ASIC2: variants seen among roughly 807,000 people sequenced by gnomAD.
ASIC2 encodes acid sensing ion channel subunit 2, also known as acid-sensing ion channel 2.
In ASIC2, 25 loss-of-function variants were observed where a neutral mutation model predicts 57.3. That is an observed-to-expected ratio of 0.44 (90% CI 0.32 to 0.61). ASIC2 has a LOEUF of 0.61. ASIC2 is among the 20% of genes least tolerant of loss of function. ASIC2 has a pLI of 0.06. For synonymous variants in ASIC2, 319 were observed against 307.5 expected, an observed-to-expected ratio of 1.04 and a Z score of -0.39; for missense variants, 641 against 738.1, an observed-to-expected ratio of 0.87 and a Z score of 1.52.
At chr17:33,406,464 T>C (rs559449074) in intron 1 of ASIC2, among the ~76,000 whole-genome samples, 61 of 152,338 alleles carry the variant, frequency 4.0e-4, no homozygotes, top group African/African-American at 1.4e-3. Context: ...TCTTTTGTTC[T>C]GTCAAACGCA....
At chr17:33,843,001 T>C (rs1913485012) in intron 1 of ASIC2, among the ~76,000 whole-genome samples, 1 of 152,232 alleles carries the variant, frequency 6.6e-6, no homozygotes, top group Non-Finnish European at 1.5e-5. Flanking sequence ...TTTGGCTGCC[T>C]TGAAGGCAGT....
At chr17:33,102,920 G>A (rs535627496) in intron 2 of ASIC2, among the ~76,000 whole-genome samples, 45 of 151,970 alleles carry the variant, frequency 3.0e-4, no homozygotes, top group East Asian at 1.9e-3. Flanking sequence ...AGTAGCTGGG[G>A]CTACAGGCGC....
At chr17:33,966,740 T>C (rs1377006751) in intron 1 of ASIC2, among the ~76,000 whole-genome samples, 1 of 152,230 alleles carries the variant, frequency 6.6e-6, no homozygotes, top group Non-Finnish European at 1.5e-5. Flanking sequence ...TTTGACTCCT[T>C]CTGTTCTCAG....
chr17:33,761,386 T>G (rs949016424), intron 1 of ASIC2, among the ~76,000 whole-genome samples: 2 of 152,188 alleles, frequency 1.3e-5, no homozygotes, highest in African/African-American at 4.8e-5. Context: ...CTGTAGGGAA[T>G]CCGGGGGCCC....
intron 2 of ASIC2, among the ~76,000 whole-genome samples, chr17:33,106,470 G>A (rs1207057329): frequency 6.6e-6 from 1 of 152,114 alleles, no homozygotes; most frequent in Non-Finnish European, 1.5e-5. Flanking sequence ...TCTGACACTC[G>A]AACCCTTTTA....
chr17:33,330,770 A>G (rs1407808285), intron 1 of ASIC2, among the ~76,000 whole-genome samples: 1 of 152,100 alleles, frequency 6.6e-6, no homozygotes, highest in Non-Finnish European at 1.5e-5. Flanking sequence ...CTATTTCATA[A>G]GGATTGAGTC....
intron 1 of ASIC2, among the ~76,000 whole-genome samples, chr17:33,829,071 A>G (rs1567727587): frequency 1.3e-5 from 2 of 152,214 alleles, no homozygotes; most frequent in Non-Finnish European, 2.9e-5. Flanking sequence ...AACAACCACT[A>G]GTTTCCGTTG....
intron 1 of ASIC2, among the ~76,000 whole-genome samples, chr17:33,766,757 T>C (rs555356303): frequency 2.6e-5 from 4 of 152,354 alleles, no homozygotes; most frequent in African/African-American, 7.2e-5. Flanking sequence ...CTGTGCTATT[T>C]GATCTGTGGT....
At chr17:33,307,284 T>TTCA (rs1291717245) in intron 1 of ASIC2, among the ~76,000 whole-genome samples, 1 of 150,606 alleles carries the variant, frequency 6.6e-6, no homozygotes, top group African/African-American at 2.5e-5. Context: ...TTCCTTCTTC[T>TTCA]TCTTCTTCTT....
intron 6 of ASIC2, among the ~76,000 whole-genome samples, chr17:33,022,143 G>T (rs1202163894): frequency 1.3e-5 from 2 of 152,200 alleles, no homozygotes; most frequent in African/African-American, 4.8e-5. Context: ...AGCAGGGCTC[G>T]CAGGGCAGCT....
chr17:33,136,719 C>T (rs1383230649), intron 1 of ASIC2, among the ~76,000 whole-genome samples: 1 of 152,172 alleles, frequency 6.6e-6, no homozygotes, highest in African/African-American at 2.4e-5. Flanking sequence ...TTTCATTTCC[C>T]CTTGAGCTCA....
chr17:33,335,527 T>C (rs913349691), intron 1 of ASIC2, among the ~76,000 whole-genome samples: 7 of 151,714 alleles, frequency 4.6e-5, no homozygotes, highest in African/African-American at 1.7e-4. Context: ...GGCTTCAAAG[T>C]ATAGGCATAT....
chr17:33,916,903 G>A (rs1915596593), intron 1 of ASIC2, among the ~76,000 whole-genome samples: 1 of 152,198 alleles, frequency 6.6e-6, no homozygotes, highest in African/African-American at 2.4e-5. Context: ...GGCTGCTGTG[G>A]GAAGTGTATG....
At chr17:33,237,627 C>T (rs976136745) in intron 1 of ASIC2, among the ~76,000 whole-genome samples, 9 of 152,116 alleles carry the variant, frequency 5.9e-5, no homozygotes, top group Non-Finnish European at 7.3e-5. Context: ...CCACCGCGCC[C>T]GGCCTTAGTA....
chr17:33,781,375 A>G (rs1261408313), intron 1 of ASIC2, among the ~76,000 whole-genome samples: 1 of 152,116 alleles, frequency 6.6e-6, no homozygotes. Context: ...TGCTTTCTGG[A>G]ACACTAAGAT....
At chr17:33,330,811 G>T (rs1907282747) in intron 1 of ASIC2, among the ~76,000 whole-genome samples, 1 of 152,146 alleles carries the variant, frequency 6.6e-6, no homozygotes, top group South Asian at 2.1e-4. Context: ...GACCTGTGGG[G>T]TCGACATCTT....
At chr17:34,130,063 G>A (rs914719653) in intron 1 of ASIC2, among the ~76,000 whole-genome samples, 3 of 152,170 alleles carry the variant, frequency 2.0e-5, no homozygotes, top group Non-Finnish European at 1.5e-5. Context: ...TTACTTTAAG[G>A]CTATTGCTCT....
chr17:33,636,084 T>G (rs558587936), intron 1 of ASIC2, among the ~76,000 whole-genome samples: 24 of 152,238 alleles, frequency 1.6e-4, no homozygotes, highest in Non-Finnish European at 3.1e-4. Context: ...TATTGCATTA[T>G]TTTGTTTTTG....
chr17:34,110,348 A>T (rs916901), intron 1 of ASIC2, among the ~76,000 whole-genome samples: 136,491 of 152,238 alleles, frequency 0.9, 61,559 homozygotes, highest in African/African-American at 0.98. Context: ...CTAATTCCTA[A>T]CCAGGAACAA....
Sources: allele counts gnomAD v4.1 joint callset (sites outside exome capture counted in the v4.1 genomes callset), GRCh38; gene constraint gnomAD v4.1.1; transcripts MANE v1.5; gene names NCBI Gene and HGNC (gene_info 2026-07-23, HGNC 2026-07-21).